RAPGEF4: variants seen among roughly 807,000 people sequenced by gnomAD.
RAPGEF4 encodes RAP guanine-nucleotide-exchange factor (GEF) 4.
A neutral mutation model predicts 147.9 loss-of-function variants in RAPGEF4; 66 were observed. The ratio of observed to expected loss-of-function variants is 0.45; its 90% CI spans 0.37 to 0.55. The LOEUF (loss-of-function observed/expected upper bound fraction) is 0.55, where lower values mean the gene tolerates loss of function less well. Among genes scored for constraint, RAPGEF4 ranks in the 20% least tolerant of loss-of-function variants. The pLI, the probability that RAPGEF4 is intolerant of heterozygous loss-of-function variation, is 0.00. For missense variants in RAPGEF4, 1,071 were observed against 1,257.3 expected, an observed-to-expected ratio of 0.85 and a Z score of 2.24; for synonymous variants, 419 against 442.7, an observed-to-expected ratio of 0.95 and a Z score of 0.67.
intron 17 of RAPGEF4, 30 bp downstream of exon 17, chr2:173,001,374 A>G (rs764214772): frequency 5.0e-6 from 8 of 1,612,396 alleles, no homozygotes; most frequent in East Asian, 2.2e-5. Context: ...GTAAGTCCCT[A>G]TTCCCTCGAA....
intron 4 of RAPGEF4, among the ~76,000 whole-genome samples, chr2:172,890,607 C>A (rs768146499): frequency 3.9e-4 from 59 of 152,190 alleles, no homozygotes; most frequent in Non-Finnish European, 2.5e-4. Flanking sequence ...TCTCCTCTGT[C>A]CAATGTGTCT....
chr2:173,035,334 C>T lies in RAPGEF4; in HGVS notation c.2701-791C>T, dbSNP rs367975264. 7.6e-4 allele frequency among the ~76,000 whole-genome samples: 115 copies of T among 152,014 alleles called. 2 individuals are homozygous for T. The highest frequency in any genetic ancestry group is 6.9e-3 in the Middle Eastern group (2 of 290). On this transcript the variant is annotated intron_variant, in intron 27 of 30. Transcript: ENST00000397081. ...CCATTCTGGCTAACATGGTGAAACC[C>T]CGTCTCTACTAAAAAAATACAAAAA...
chr2:172,946,309 A>G (rs1016045902), intron 6 of RAPGEF4, among the ~76,000 whole-genome samples: 3 of 151,848 alleles, frequency 2.0e-5, no homozygotes, highest in African/African-American at 7.2e-5. Flanking sequence ...ATTATCTTTG[A>G]CTGGTTGGTT....
chr2:172,915,335 T>C (rs1268557863), intron 4 of RAPGEF4, among the ~76,000 whole-genome samples: 2 of 152,286 alleles, frequency 1.3e-5, no homozygotes, highest in East Asian at 3.9e-4. Flanking sequence ...GATAATGGTA[T>C]TGTGGTTTTA....
intron 1 of RAPGEF4, among the ~76,000 whole-genome samples, chr2:172,764,753 C>T (rs978717498): frequency 6.6e-6 from 1 of 152,154 alleles, no homozygotes; most frequent in African/African-American, 2.4e-5. Flanking sequence ...AGGTGCCTGC[C>T]TTCTTGGTGA....
intron 6 of RAPGEF4, among the ~76,000 whole-genome samples, chr2:172,958,323 G>A (rs1688947405): frequency 6.6e-6 from 1 of 152,180 alleles, no homozygotes; most frequent in Admixed American, 6.5e-5. Flanking sequence ...GTCCTAGACT[G>A]TAAACCAACC....
intron 1 of RAPGEF4, among the ~76,000 whole-genome samples, chr2:172,772,882 G>T (rs1039964923): frequency 6.6e-6 from 1 of 152,130 alleles, no homozygotes; most frequent in Non-Finnish European, 1.5e-5. Context: ...TAAACCCAGG[G>T]TTGCTAACAG....
At chr2:172,773,480 C>T (rs558980355) in intron 1 of RAPGEF4, among the ~76,000 whole-genome samples, 61 of 152,260 alleles carry the variant, frequency 4.0e-4, no homozygotes, top group African/African-American at 1.4e-3. Flanking sequence ...CATCTTCACA[C>T]ACCCACTAGC....
intron 1 of RAPGEF4, among the ~76,000 whole-genome samples, chr2:172,769,757 A>G (rs1332054454): frequency 6.6e-6 from 1 of 152,218 alleles, no homozygotes; most frequent in Non-Finnish European, 1.5e-5. Context: ...TGAATTTCAG[A>G]TAAATGACAA....
chr2:172,970,773 AT>A (rs1196834401), intron 10 of RAPGEF4, among the ~76,000 whole-genome samples: 2 of 152,148 alleles, frequency 1.3e-5, no homozygotes, highest in African/African-American at 4.8e-5. Context: ...TTCAGGGGAA[AT>A]TTTTTGGCAC....
At chr2:172,954,108 TG>T (rs1225317147) in intron 6 of RAPGEF4, among the ~76,000 whole-genome samples, 1 of 152,130 alleles carries the variant, frequency 6.6e-6, no homozygotes, top group Non-Finnish European at 1.5e-5. Flanking sequence ...TAGGTAAAAC[TG>T]GTGGGGTTGA....
intron 23 of RAPGEF4, among the ~76,000 whole-genome samples, chr2:173,023,572 G>T (rs556318406): frequency 6.6e-6 from 1 of 152,148 alleles, no homozygotes; most frequent in African/African-American, 2.4e-5. Context: ...CCTGCCCTAC[G>T]CCGGGAGAGA....
intron 4 of RAPGEF4, among the ~76,000 whole-genome samples, chr2:172,841,228 G>A (rs1299637631): frequency 6.6e-6 from 1 of 152,106 alleles, no homozygotes; most frequent in African/African-American, 2.4e-5. Flanking sequence ...GTGAGTTCTC[G>A]CTCTTACTTC....
intron 1 of RAPGEF4, chr2:172,744,426 G>C (rs1427011077): frequency 2.2e-6 from 1 of 456,500 alleles, no homozygotes; most frequent in Non-Finnish European, 4.4e-6. Flanking sequence ...ATGTTGAGGT[G>C]TGTGAGCTAA....
intron 3 of RAPGEF4, among the ~76,000 whole-genome samples, chr2:172,806,190 T>A (rs924153603): frequency 6.6e-6 from 1 of 152,146 alleles, no homozygotes; most frequent in Non-Finnish European, 1.5e-5. Flanking sequence ...AATTAATCTT[T>A]ACCTCTCAAA....
intron 10 of RAPGEF4, among the ~76,000 whole-genome samples, chr2:172,978,288 G>A (rs776707310): frequency 2.0e-5 from 3 of 152,182 alleles, no homozygotes; most frequent in African/African-American, 7.2e-5. Context: ...AGAGGTACCT[G>A]GGGAGCAGGC....
At chr2:172,756,920 G>T (rs115311694) in intron 1 of RAPGEF4, among the ~76,000 whole-genome samples, 1,720 of 152,336 alleles carry the variant, frequency 0.011, 17 homozygotes, top group South Asian at 0.036. Flanking sequence ...TTCCAGACGT[G>T]TGCCTTCTAA....
chr2:172,842,226 G>A (rs1363214852), intron 4 of RAPGEF4, among the ~76,000 whole-genome samples: 1 of 152,180 alleles, frequency 6.6e-6, no homozygotes, highest in Non-Finnish European at 1.5e-5. Context: ...TCTTTATTGA[G>A]TGCTATTCAA....
At chr2:173,049,288 C>T (rs975314614) in intron 30 of RAPGEF4, among the ~76,000 whole-genome samples, 2 of 152,152 alleles carry the variant, frequency 1.3e-5, no homozygotes, top group African/African-American at 2.4e-5. Flanking sequence ...AGTTAAGTTG[C>T]ATCATAGCAC....
Sources: allele counts gnomAD v4.1 joint callset (sites outside exome capture counted in the v4.1 genomes callset), GRCh38; gene constraint gnomAD v4.1.1; transcripts MANE v1.5; gene names NCBI Gene and HGNC (gene_info 2026-07-23, HGNC 2026-07-21).